Variants in GALNT9 observed in about 807,000 individuals in gnomAD.
The protein encoded by GALNT9 is polypeptide N-acetylgalactosaminyltransferase 9.
Under a neutral mutation model 63.1 loss-of-function variants are expected in GALNT9, and 47 were observed. The observed-to-expected ratio is 0.75, with a 90% CI of 0.59 to 0.95. The LOEUF (loss-of-function observed/expected upper bound fraction) is 0.95. Ranked by LOEUF, GALNT9 falls within the 40% of genes least tolerant of loss-of-function variation. GALNT9 has a pLI of 0.00. For synonymous variants in GALNT9, 396 were observed against 365.7 expected (o/e 1.08, Z -0.94); for missense variants, 829 against 874.8 (o/e 0.95, Z 0.66).
chr12:132,300,605 GA>G (rs1190096083), intron 1 of GALNT9, among the ~76,000 whole-genome samples: 1 of 132,850 alleles, frequency 7.5e-6, no homozygotes, highest in Non-Finnish European at 1.5e-5. Context: ...CCACTGCTGA[GA>G]TAACCCACTC....
chr12:132,272,959 G>C (rs56784935), intron 2 of GALNT9: 1 of 152,292 alleles, frequency 6.6e-6, no homozygotes, highest in Non-Finnish European at 1.5e-5. Context: ...TCCCGCACAC[G>C]GGCCTTAGGG....
chr12:132,259,394 T>C (rs4077902), intron 4 of GALNT9, among the ~76,000 whole-genome samples: 71,189 of 151,822 alleles, frequency 0.47, 17,389 homozygotes, highest in South Asian at 0.57. Flanking sequence ...TGGGGTGACA[T>C]TGTGGGGGGC....
chr12:132,241,071 C>T (rs1556512632), intron 6 of GALNT9, among the ~76,000 whole-genome samples: 5 of 107,542 alleles, frequency 4.6e-5, no homozygotes, highest in Non-Finnish European at 8.4e-5. Context: ...ATTACACACA[C>T]GCCACACACC....
At chr12:132,220,149 C>T (rs1384696114) in intron 6 of GALNT9, among the ~76,000 whole-genome samples, 1 of 152,152 alleles carries the variant, frequency 6.6e-6, no homozygotes, top group Non-Finnish European at 1.5e-5. Context: ...GTCCCAGCTA[C>T]TCAGGAGGCT....
rs1410825937 is a variant in GALNT9 at position 132,319,312 on chromosome 12, A to C, written c.238+9654T>G. On this transcript the variant is annotated intron_variant, in intron 1 of 10. Coordinates refer to ENST00000328957, the MANE Select transcript of GALNT9 (RefSeq NM_001122636.2). The surrounding 1 kb of genome is among the most constrained non-coding windows in gnomAD (Gnocchi z 5.2). The stretch of plus-strand genomic sequence containing the variant: ...CCCTTCTCGGAGGCCCGGCTGGAAC[A>C]GAAAGGCAGAGGAGGGCAGCTTCAT... 6.6e-6 allele frequency among the ~76,000 whole-genome samples: 1 copy of C among 152,166 alleles called. No homozygotes were observed.
At position 132,217,126 on chromosome 12, in the gene GALNT9, T is replaced by G. The variant is rs74817752; in HGVS notation, c.1078-13436A>C. On this transcript the variant is annotated intron_variant, in intron 6 of 10. Coordinates refer to ENST00000328957, the MANE Select transcript of GALNT9 (RefSeq NM_001122636.2). Reference sequence around the variant, plus strand: ...ATAGAATGACCCACTCATCCACCCATTTACCCATCTACTCACTTATTCACC... The same window carrying G: ...ATAGAATGACCCACTCATCCACCCAGTTACCCATCTACTCACTTATTCACC... Among the ~76,000 whole-genome samples, 18 of 152,206 alleles carry G rather than the reference T, an allele frequency of 1.2e-4. No homozygotes were observed. The East Asian group carries it at 3.5e-3, about 29-fold the overall frequency.
chr12:132,328,842 T>C (rs1869156273), intron 1 of GALNT9, 124 bp downstream of exon 1: 3 of 1,212,896 alleles, frequency 2.5e-6, no homozygotes, highest in Non-Finnish European at 3.3e-6. Context: ...TCCTCTCTCC[T>C]GTATATTCCC....
intron 2 of GALNT9, among the ~76,000 whole-genome samples, chr12:132,268,867 G>A (rs928343081): frequency 9.9e-5 from 15 of 152,228 alleles, no homozygotes; most frequent in Admixed American, 5.2e-4. Flanking sequence ...ACGTGCAGCC[G>A]ACGTACAAAA....
Position 132,227,981 on chromosome 12 carries a change from G to A in GALNT9, c.1077+19929C>T, listed in dbSNP as rs1011703711. 4.3e-3 allele frequency among the ~76,000 whole-genome samples: 653 copies of A among 152,268 alleles called. 16 individuals are homozygous for A. The East Asian group carries it at 0.065, about 15-fold the overall frequency. ...GGCCTGGTTGACCTGCTGAGGTTGA[G>A]CAGGGGCTGTGGGCAGGTGAGTGGC... is the stretch of plus-strand genomic sequence containing the variant. On this transcript the variant is annotated intron_variant, in intron 6 of 10. Transcript: ENST00000328957.
intron 1 of GALNT9, among the ~76,000 whole-genome samples, chr12:132,326,425 A>G (rs1869038006): frequency 6.6e-6 from 1 of 152,214 alleles, no homozygotes; most frequent in African/African-American, 2.4e-5. Flanking sequence ...GGGCCTTATG[A>G]ATTTGAATCT....
intron 2 of GALNT9, chr12:132,280,349 A>G (rs1373420405): frequency 6.6e-6 from 1 of 152,300 alleles, no homozygotes; most frequent in East Asian, 1.9e-4. Context: ...TGCCTGAAGG[A>G]CAGGAGACAC....
intron 1 of GALNT9, among the ~76,000 whole-genome samples, chr12:132,307,922 G>A (rs577020137): frequency 1.3e-5 from 2 of 151,940 alleles, no homozygotes; most frequent in African/African-American, 2.4e-5. Context: ...TGTAATCCCC[G>A]CACACTGGGA....
rs1875553311 is a variant in GALNT9 at position 132,197,046 on chromosome 12, A to T, written c.*61T>A. Reference sequence around the variant, plus strand: ...TCTGCCGGGCACACCCCGGTCACTCAGCCACACTGGCTCGGCCCAGCGCCT... The same window carrying T: ...TCTGCCGGGCACACCCCGGTCACTCTGCCACACTGGCTCGGCCCAGCGCCT... On this transcript the variant is annotated 3_prime_UTR_variant, in exon 11 of 11. Transcript: ENST00000328957. The T allele has an allele frequency of 2.5e-6, 4 of 1,594,898 alleles. No individual in the cohort carries two copies. Among genetic ancestry groups the T allele is most frequent in the Non-Finnish European group, 3.4e-6 (4 of 1,168,236 alleles).
chr12:132,198,680 A>G (rs756446018), intron 9 of GALNT9, among the ~76,000 whole-genome samples: 4 of 152,088 alleles, frequency 2.6e-5, no homozygotes, highest in African/African-American at 7.2e-5. Flanking sequence ...TTTTTGAGAT[A>G]CGGTCTCGCT....
At chr12:132,250,490 A>C (rs1395219197) in intron 5 of GALNT9, among the ~76,000 whole-genome samples, 1 of 152,208 alleles carries the variant, frequency 6.6e-6, no homozygotes, top group East Asian at 1.9e-4. Flanking sequence ...AGACCCTGAT[A>C]ACAAGAAAAG....
At chr12:132,324,194 A>G (rs1473365734) in intron 1 of GALNT9, among the ~76,000 whole-genome samples, 1 of 152,210 alleles carries the variant, frequency 6.6e-6, no homozygotes, top group African/African-American at 2.4e-5. Flanking sequence ...AGCCCTTTTT[A>G]GAAACCCACA....
chr12:132,243,298 T>C (rs1218151354), intron 6 of GALNT9, among the ~76,000 whole-genome samples: 2 of 135,234 alleles, frequency 1.5e-5, no homozygotes, highest in Admixed American at 7.2e-5. Flanking sequence ...CCCGGGGCCC[T>C]CCCTATACCC....
In GALNT9 at chr12:132,239,632, AG is replaced by A. The variant is rs1555236696; in HGVS notation, c.1077+8277del. Among the ~76,000 whole-genome samples the A allele has an allele frequency of 1.5e-4, 13 of 86,170 alleles. No individual in the cohort carries two copies. In the Admixed American group the frequency reaches 1.6e-3, roughly 11 times the overall value. 56.5% of individuals were successfully genotyped at this position (86,170 alleles called of 152,430 possible). Reference sequence around the variant, plus strand: ...CACACTGAGAGACTGAGAGACAGAGAGACAGAGTCAGAGACAGAGTCAGAGA... The same window carrying A: ...CACACTGAGAGACTGAGAGACAGAGAACAGAGTCAGAGACAGAGTCAGAGA... On this transcript the variant is annotated intron_variant, in intron 6 of 10. Coordinates refer to ENST00000328957, the MANE Select transcript of GALNT9 (RefSeq NM_001122636.2).
intron 6 of GALNT9, among the ~76,000 whole-genome samples, chr12:132,207,171 G>A (rs1165535644): frequency 5.3e-5 from 8 of 152,174 alleles, no homozygotes; most frequent in Admixed American, 1.3e-4. Context: ...ATAGCTGGGC[G>A]TCCGGACCAG....
Sources: allele counts gnomAD v4.1 joint callset (sites outside exome capture counted in the v4.1 genomes callset), GRCh38; gene constraint gnomAD v4.1.1; non-coding constraint Gnocchi (gnomAD v3.1); transcripts MANE v1.5; gene names NCBI Gene and HGNC (gene_info 2026-07-23, HGNC 2026-07-21).